Variants in GOLGA1 observed in about 807,000 individuals in gnomAD.
GOLGA1 encodes the protein golgin A1.
Under a neutral mutation model 119.7 loss-of-function variants are expected in GOLGA1, and 63 were observed. That is an observed-to-expected ratio of 0.53 (90% CI 0.43 to 0.65). GOLGA1 has a LOEUF of 0.65. GOLGA1 is among the 30% of genes least tolerant of loss of function. The pLI is 0.00. For synonymous variants in GOLGA1, 318 were observed against 333.4 expected, an observed-to-expected ratio of 0.95 and a Z score of 0.50; for missense variants, 798 against 912.8, an observed-to-expected ratio of 0.87 and a Z score of 1.62.
intron 10 of GOLGA1, among the ~76,000 whole-genome samples, chr9:124,913,792 C>T (rs1457756385): frequency 6.6e-6 from 1 of 152,164 alleles, no homozygotes; most frequent in African/African-American, 2.4e-5. Flanking sequence ...GGACACACAC[C>T]GTGCTATGAG....
Position 124,888,419 on chromosome 9 carries a change from TGA to T in GOLGA1, c.1762-25_1762-24del, listed in dbSNP as rs1484342460. On this transcript the variant is annotated intron_variant, in intron 18 of 22. Transcript: ENST00000373555. The surrounding 1 kb of genome is among the most constrained non-coding windows in gnomAD (Gnocchi z 4.4). The stretch of plus-strand genomic sequence containing the variant: ...CACCTACAAGGTGGCAGCAGCAAAT[TGA>T]GAGCCAGGACAGGTCAGGTGAAGCT... 4 of 1,612,738 alleles carry T rather than the reference TGA, an allele frequency of 2.5e-6. No homozygotes were observed. The Admixed American group carries it at 5.0e-5, about 20-fold the overall frequency.
intron 15 of GOLGA1, among the ~76,000 whole-genome samples, chr9:124,891,251 CTG>C (rs1829848664): frequency 6.6e-6 from 1 of 152,364 alleles, no homozygotes; most frequent in East Asian, 1.9e-4. Flanking sequence ...CTCAGGTTCA[CTG>C]TGGCACAAAG....
intron 12 of GOLGA1, among the ~76,000 whole-genome samples, chr9:124,907,826 T>A (rs562320545): frequency 6.6e-6 from 1 of 152,148 alleles, no homozygotes; most frequent in South Asian, 2.1e-4. Context: ...CAGAAAGGCA[T>A]ATATAGGAAC....
rs1265748992 is a variant in GOLGA1, at chr9:124,946,735, C to T, written c.-156+1183G>A. The T allele has an allele frequency of 6.6e-6, 1 of 152,188 alleles. No individual in the cohort carries two copies. The highest frequency in any genetic ancestry group is 6.5e-5 in the Admixed American group (1 of 15,274). The allele number at this position is 152,188 out of a possible 1,614,324, so 9.4% of individuals were successfully genotyped here. A position where few individuals can be genotyped will look rare whatever the true frequency, so the allele number is the denominator to read the frequency against. On this transcript the variant is annotated intron_variant, in intron 1 of 4. Coordinates refer to the GOLGA1 transcript ENST00000421514. The surrounding 1 kb of genome is among the most constrained non-coding windows in gnomAD (Gnocchi z 4.0). ...TTTGAAGGCCCAGATTTTTATAGCACACCATGCATCTAATATTAAAAACTC... is the reference window on the plus strand; with the variant it reads ...TTTGAAGGCCCAGATTTTTATAGCATACCATGCATCTAATATTAAAAACTC...
At position 124,882,031 on chromosome 9, in the gene GOLGA1, G is replaced by A. The variant is rs114403273; in HGVS notation, c.1966-77C>T. The stretch of plus-strand genomic sequence containing the variant: ...AAAAATCACACGGGAGGTTCACCTG[G>A]TCCAAACTATGATCACTATCGTAGG... On this transcript the variant is annotated intron_variant, in intron 20 of 22. Transcript: ENST00000373555. 633 of 1,091,522 alleles carry A rather than the reference G, an allele frequency of 5.8e-4. 1 individual carries two copies. The African/African-American group carries it at 9.1e-3, about 16-fold the overall frequency. The allele number at this position is 1,091,522 out of a possible 1,614,324, so 67.6% of individuals were successfully genotyped here. A position where few individuals can be genotyped will look rare whatever the true frequency, so the allele number is the denominator to read the frequency against.
At chr9:124,882,141 C>T (rs1468036649) in intron 20 of GOLGA1, among the ~76,000 whole-genome samples, 187 bp from the exon 21 acceptor site, 4 of 152,164 alleles carry the variant, frequency 2.6e-5, no homozygotes, top group Non-Finnish European at 4.4e-5. Context: ...TCAGACATTC[C>T]GTTTTCCATG....
chr9:124,924,575 T>G (rs1013459259), intron 7 of GOLGA1, among the ~76,000 whole-genome samples: 1 of 146,128 alleles, frequency 6.8e-6, no homozygotes, highest in Non-Finnish European at 1.5e-5. Context: ...GAGGCTGCAG[T>G]GAGCTATGAC....
intron 12 of GOLGA1, among the ~76,000 whole-genome samples, chr9:124,900,994 T>C (rs653088): frequency 0.98 from 143,274 of 146,222 alleles, 70,256 homozygotes; most frequent in South Asian, 1. Context: ...TTTTTTGAGA[T>C]GGAGTCTTGC....
intron 4 of GOLGA1, 61 bp from the exon 5 acceptor site, chr9:124,929,351 T>A: frequency 2.0e-6 from 2 of 1,014,136 alleles, no homozygotes; most frequent in Admixed American, 1.8e-5. Flanking sequence ...AGGAAGTTAA[T>A]TAAACAAAAA....
At chr9:124,927,635 T>C (rs1830699544) in intron 6 of GOLGA1, among the ~76,000 whole-genome samples, 1 of 152,376 alleles carries the variant, frequency 6.6e-6, no homozygotes. Flanking sequence ...ATATACTTCA[T>C]AATTACTGTA....
chr9:124,901,120 C>T (rs950020701), intron 12 of GOLGA1, among the ~76,000 whole-genome samples: 7 of 149,952 alleles, frequency 4.7e-5, no homozygotes, highest in Middle Eastern at 3.6e-3. Context: ...TACAGGTGCC[C>T]GCTACCATGC....
chr9:124,907,653 G>T (rs992983938), intron 12 of GOLGA1, among the ~76,000 whole-genome samples: 11 of 152,138 alleles, frequency 7.2e-5, no homozygotes, highest in African/African-American at 2.7e-4. Flanking sequence ...ATATGAATGG[G>T]CAATTCCAAA....
Position 124,889,545 on chromosome 9 carries a change from G to GA in GOLGA1, c.1498-10dup. 6.3e-7 allele frequency: 1 copy of GA among 1,582,120 alleles called. No individual in the cohort carries two copies. Among genetic ancestry groups the GA allele is most frequent in the Non-Finnish European group, 8.7e-7 (1 of 1,150,888 alleles). ...GCTGTCAGGTTAGCTGCCTTGGAGA[G>GA]AAAAATCAACAAGAGGGAAGGTTGT... On this transcript the variant is annotated splice_polypyrimidine_tract_variant and intron_variant, in intron 16 of 22. Coordinates refer to ENST00000373555, the MANE Select transcript of GOLGA1 (RefSeq NM_002077.4).
At chr9:124,892,462 T>C (rs1395480644) in intron 15 of GOLGA1, among the ~76,000 whole-genome samples, 1 of 152,068 alleles carries the variant, frequency 6.6e-6, no homozygotes, top group African/African-American at 2.4e-5. Context: ...ATTTACAAAA[T>C]CATTTATTTC....
intron 3 of GOLGA1, among the ~76,000 whole-genome samples, chr9:124,934,859 C>G (rs1156504249): frequency 6.6e-6 from 1 of 152,120 alleles, no homozygotes; most frequent in African/African-American, 2.4e-5. Flanking sequence ...CCAGCCTAAG[C>G]AACATGGCAA....
Position 124,889,513 on chromosome 9 carries a change from T to C in GOLGA1, c.1521A>G (p.Ile507Met). The C allele has an allele frequency of 6.2e-7, 1 of 1,613,388 alleles. No homozygotes were observed. Among genetic ancestry groups the C allele is most frequent in the Non-Finnish European group, 8.5e-7 (1 of 1,179,280 alleles). Residue 507 changes from isoleucine (I) to methionine (M), a missense_variant, in exon 17 of 23, where the codon ATA (isoleucine) becomes ATG (methionine). Transcript: ENST00000373555. ...CCCGCAGATTCTGTTCCTTCTCGTC[T>C]ATTATGGCTGTCAGGTTAGCTGCCT... ...QQQAANLTAI[I>M]DEKEQNLREK...
At chr9:124,907,467 G>T (rs1034037887) in intron 12 of GOLGA1, among the ~76,000 whole-genome samples, 51 of 152,214 alleles carry the variant, frequency 3.4e-4, no homozygotes, top group Admixed American at 2.7e-3. Flanking sequence ...CAGCAAAAAT[G>T]TGATGAATCT....
intron 10 of GOLGA1, among the ~76,000 whole-genome samples, chr9:124,917,724 G>C (rs1256691446): frequency 2.0e-5 from 3 of 152,060 alleles, no homozygotes; most frequent in Admixed American, 6.6e-5. Context: ...ATTTGCCTCA[G>C]AGTTTTTGTT....
At chr9:124,924,716 G>GA (rs773241388) in intron 7 of GOLGA1, among the ~76,000 whole-genome samples, 658 of 113,504 alleles carry the variant, frequency 5.8e-3, no homozygotes, top group African/African-American at 5.6e-3. Flanking sequence ...ACTCTTGACT[G>GA]AAAAAAAAAA....
Sources: allele counts gnomAD v4.1 joint callset (sites outside exome capture counted in the v4.1 genomes callset), GRCh38; gene constraint gnomAD v4.1.1; non-coding constraint Gnocchi (gnomAD v3.1); transcripts MANE v1.5; gene names NCBI Gene and HGNC (gene_info 2026-07-23, HGNC 2026-07-21).